MBOAT2: variants seen among roughly 807,000 people sequenced by gnomAD.
MBOAT2 encodes the protein membrane-bound glycerophospholipid O-acyltransferase 2.
In MBOAT2, 28 loss-of-function variants were observed where a neutral mutation model predicts 63.4. The observed-to-expected ratio is 0.44, with a 90% CI of 0.33 to 0.61. The LOEUF (loss-of-function observed/expected upper bound fraction) is 0.61. Among genes scored for constraint, MBOAT2 ranks in the 20% least tolerant of loss-of-function variants. The pLI is 0.03. For missense variants in MBOAT2, 470 were observed against 605.8 expected (o/e 0.78, Z 2.35); for synonymous variants, 211 against 215.6 (o/e 0.98, Z 0.19).
intron 1 of MBOAT2, among the ~76,000 whole-genome samples, chr2:8,978,206 T>G (rs557742004): frequency 6.6e-6 from 1 of 152,148 alleles, no homozygotes; most frequent in Non-Finnish European, 1.5e-5. Flanking sequence ...TATATTCCAA[T>G]ATATTGACCG....
chr2:8,950,610 G>A (rs1364314101), intron 2 of MBOAT2, among the ~76,000 whole-genome samples: 1 of 152,088 alleles, frequency 6.6e-6, no homozygotes, highest in Non-Finnish European at 1.5e-5. Context: ...TGTATTTTTA[G>A]TAGAGACGGG....
intron 3 of MBOAT2, among the ~76,000 whole-genome samples, chr2:8,919,988 A>G (rs1666461388): frequency 6.6e-6 from 1 of 151,152 alleles, no homozygotes; most frequent in Non-Finnish European, 1.5e-5. Flanking sequence ...CTGGTCTCAA[A>G]CTCCTGGCCT....
chr2:8,865,920 C>A (rs1438484721), intron 9 of MBOAT2, among the ~76,000 whole-genome samples: 1 of 152,152 alleles, frequency 6.6e-6, no homozygotes, highest in Non-Finnish European at 1.5e-5. Context: ...ACCTGGAATC[C>A]CAGTTACTCA....
intron 1 of MBOAT2, among the ~76,000 whole-genome samples, chr2:8,977,755 G>A (rs2103327633): frequency 6.6e-6 from 1 of 152,104 alleles, no homozygotes; most frequent in Non-Finnish European, 1.5e-5. Flanking sequence ...AATTTACTGT[G>A]GCCACAAGGG....
At chr2:8,967,305 T>A (rs1388656678) in intron 1 of MBOAT2, among the ~76,000 whole-genome samples, 1 of 152,198 alleles carries the variant, frequency 6.6e-6, no homozygotes, top group Non-Finnish European at 1.5e-5. Context: ...TGACTTTTAG[T>A]TTTTTATTAA....
intron 2 of MBOAT2, among the ~76,000 whole-genome samples, chr2:8,951,093 G>C (rs889037712): frequency 1.3e-5 from 2 of 151,944 alleles, no homozygotes; most frequent in African/African-American, 4.8e-5. Context: ...TTCTTTCTTT[G>C]TTGTGTCTGC....
Position 8,864,139 on chromosome 2 carries a change from A to T in MBOAT2, c.1052+31T>A, listed in dbSNP as rs778669217. The T allele has an allele frequency of 5.4e-6, 8 of 1,487,136 alleles. No homozygotes were observed. In the South Asian group the frequency reaches 7.7e-5, roughly 14 times the overall value. The allele number at this position is 1,487,136 out of a possible 1,614,324, so 92.1% of individuals were successfully genotyped here. The stretch of plus-strand genomic sequence containing the variant: ...AACCTCGAGAACTAGACGCCAAAGC[A>T]CATCTAAAGATCGTTTTTGAAGGAA... On this transcript the variant is annotated intron_variant, in intron 10 of 12. Coordinates refer to ENST00000305997, the MANE Select transcript of MBOAT2 (RefSeq NM_138799.4).
At chr2:8,959,564 C>T (rs1425720747) in intron 1 of MBOAT2, among the ~76,000 whole-genome samples, 2 of 151,698 alleles carry the variant, frequency 1.3e-5, no homozygotes, top group African/African-American at 4.8e-5. Context: ...CGGGCTCGGG[C>T]AATTCTCCCA....
intron 1 of MBOAT2, among the ~76,000 whole-genome samples, chr2:8,965,513 G>A (rs1669917344): frequency 1.3e-5 from 2 of 151,986 alleles, no homozygotes; most frequent in Admixed American, 6.6e-5. Context: ...TTTACTAAGG[G>A]TGCTTACACT....
chr2:8,885,035 T>C (rs905945715), intron 5 of MBOAT2, among the ~76,000 whole-genome samples: 3 of 152,242 alleles, frequency 2.0e-5, no homozygotes, highest in Non-Finnish European at 4.4e-5. Context: ...ACTGCTGCTG[T>C]GTCTAACAGC....
At chr2:8,892,733 G>A (rs1664094399) in intron 4 of MBOAT2, among the ~76,000 whole-genome samples, 1 of 152,190 alleles carries the variant, frequency 6.6e-6, no homozygotes, top group African/African-American at 2.4e-5. Context: ...AGATGACAGT[G>A]AAATAGAGGA....
intron 6 of MBOAT2, among the ~76,000 whole-genome samples, chr2:8,879,982 AAGCGTGGTCG>A (rs979995470): frequency 1.3e-5 from 2 of 152,084 alleles, no homozygotes; most frequent in African/African-American, 4.8e-5. Context: ...TTGAGTGAGG[AAGCGTGGTCG>A]AGCTCTGGGC....
intron 1 of MBOAT2, among the ~76,000 whole-genome samples, chr2:9,002,275 T>C (rs1672748849): frequency 6.6e-6 from 1 of 152,158 alleles, no homozygotes; most frequent in Admixed American, 6.5e-5. Context: ...GACCGCGATG[T>C]GGAATTTCAA....
intron 4 of MBOAT2, chr2:8,908,392 C>T: frequency 2.6e-6 from 1 of 387,444 alleles, no homozygotes; most frequent in East Asian, 4.3e-5. Flanking sequence ...ACCTAAGAAC[C>T]AAAGGAAGTT....
intron 9 of MBOAT2, among the ~76,000 whole-genome samples, chr2:8,865,766 G>A (rs1572915343): frequency 6.6e-6 from 1 of 152,222 alleles, no homozygotes; most frequent in Non-Finnish European, 1.5e-5. Flanking sequence ...GATGGGCACG[G>A]TGGCTCATGC....
intron 11 of MBOAT2, among the ~76,000 whole-genome samples, chr2:8,861,562 G>A (rs1661496179): frequency 6.6e-6 from 1 of 152,194 alleles, no homozygotes; most frequent in Non-Finnish European, 1.5e-5. Flanking sequence ...AGATAGCAGA[G>A]CCTAGCCACT....
At chr2:8,930,337 T>C (rs1667229220) in intron 3 of MBOAT2, among the ~76,000 whole-genome samples, 1 of 152,176 alleles carries the variant, frequency 6.6e-6, no homozygotes, top group African/African-American at 2.4e-5. Context: ...GGTGTTTGGT[T>C]TTTTGTCCTT....
intron 3 of MBOAT2, among the ~76,000 whole-genome samples, chr2:8,920,894 T>C (rs1666517662): frequency 6.6e-6 from 1 of 152,228 alleles, no homozygotes; most frequent in Non-Finnish European, 1.5e-5. Flanking sequence ...CCTCATTTAT[T>C]AGTCCTCAGT....
At chr2:8,958,463 T>C (rs1021271581) in intron 2 of MBOAT2, 34 bp downstream of exon 2, 5 of 1,537,514 alleles carry the variant, frequency 3.3e-6, no homozygotes, top group African/African-American at 1.4e-5. Flanking sequence ...ATCCAAATAG[T>C]CTTCATTTTA....
Sources: allele counts gnomAD v4.1 joint callset (sites outside exome capture counted in the v4.1 genomes callset), GRCh38; gene constraint gnomAD v4.1.1; transcripts MANE v1.5; gene names NCBI Gene and HGNC (gene_info 2026-07-23, HGNC 2026-07-21).